Variants in SOHLH1 observed in about 807,000 individuals in gnomAD.
SOHLH1 encodes the protein spermatogenesis and oogenesis specific basic helix-loop-helix 1, also known as spermatogenesis- and oogenesis-specific basic helix-loop-helix-containing protein 1.
Under a neutral mutation model 36.2 loss-of-function variants are expected in SOHLH1, and 23 were observed. The observed-to-expected ratio is 0.64, with a 90% CI of 0.46 to 0.90. SOHLH1 has a LOEUF of 0.90. Ranked by LOEUF, SOHLH1 falls within the 40% of genes least tolerant of loss-of-function variation. SOHLH1 has a pLI of 0.00. For missense variants in SOHLH1, 608 were observed against 517.0 expected (o/e 1.18, Z -1.71); for synonymous variants, 289 against 228.3 (o/e 1.27, Z -2.40).
At chr9:135,697,676 G>C in intron 3 of SOHLH1, 49 bp from the exon 4 acceptor site, 1 of 1,588,536 alleles carries the variant, frequency 6.3e-7, no homozygotes. Context: ...AGTCAGCTGA[G>C]AAACCCAAGA....
chr9:135,693,695 C>A lies in SOHLH1; in HGVS notation c.1066G>T (p.Asp356Tyr). 6.3e-7 allele frequency: 1 copy of A among 1,576,360 alleles called. No individual in the cohort carries two copies. Residue 356 changes from aspartate (D) to tyrosine (Y), a missense_variant, in exon 8 of 8, where the codon GAC becomes TAC. By Grantham distance (160) the Asp-to-Tyr change is radical (BLOSUM62 -3). Coordinates refer to ENST00000425225, the MANE Select transcript of SOHLH1 (RefSeq NM_001101677.2). Reference protein sequence around the residue: ...DPELGSQELQDSPLEPWGLDV... With the variant: ...DPELGSQELQYSPLEPWGLDV... ...AGGCCCCACGGCTCCAGAGGGCTGT[C>A]CTGGAGCTCCTGGGAGCCAAGCTCA... is the stretch of plus-strand genomic sequence containing the variant.
chr9:135,699,109 G>A lies in SOHLH1; in HGVS notation c.83C>T (p.Ala28Val), dbSNP rs1278890946. The change falls in exon 2 of 8, where the codon GCC becomes GTC. Residue 28 changes from alanine (A) to valine (V), a missense_variant. Ala to Val is a moderately conservative substitution (Grantham distance 64). Transcript: ENST00000425225. The stretch of plus-strand genomic sequence containing the variant: ...GGCCGAGTCCTCGCAGCAGGAGAGG[G>A]CACCAGACAGGGAGCCGCTGCCGAG... The part of the protein sequence containing the change: ...VRGCNGSLSG[A>V]LSCCEDSARG... The A allele has an allele frequency of 3.1e-6, 5 of 1,604,866 alleles. No homozygotes were observed. The highest frequency in any genetic ancestry group is 1.7e-5 in the Admixed American group (1 of 59,410).
At chr9:135,696,880 G>A in intron 4 of SOHLH1, 75 bp from the exon 5 acceptor site, 1 of 1,504,740 alleles carries the variant, frequency 6.6e-7, no homozygotes, top group Non-Finnish European at 9.1e-7. Flanking sequence ...CCCACCCCAA[G>A]AGCAGAGGGC....
intron 1 of SOHLH1, 107 bp downstream of exon 1, chr9:135,699,296 C>A (rs1001255224): frequency 1.3e-6 from 2 of 1,499,218 alleles, no homozygotes; most frequent in African/African-American, 2.8e-5. Flanking sequence ...GGGTCCAGGG[C>A]TCCGCCCCAG....
upstream of SOHLH1, chr9:135,699,547 C>A (rs149574223): frequency 2.3e-5 from 34 of 1,464,606 alleles, no homozygotes; most frequent in African/African-American, 2.1e-4. Flanking sequence ...GCTCTGCCCA[C>A]CTGCCACGTG....
At position 135,698,843 on chromosome 9, in the gene SOHLH1, T is replaced by C. The variant is rs1834914153; in HGVS notation, c.197+152A>G. The C allele has an allele frequency of 3.5e-6, 4 of 1,148,542 alleles. No homozygotes were observed. The South Asian group carries it at 5.3e-5, about 15-fold the overall frequency. 71.1% of individuals were successfully genotyped at this position (1,148,542 alleles called of 1,614,324 possible). On this transcript the variant is annotated intron_variant, in intron 2 of 7. Coordinates refer to ENST00000425225, the MANE Select transcript of SOHLH1 (RefSeq NM_001101677.2). Reference sequence around the variant, plus strand: ...AGGATGTTCCCCAACAGGGCTTTTCTGGTTTACTTGGAGATGTGCAGTCTG... The same window carrying C: ...AGGATGTTCCCCAACAGGGCTTTTCCGGTTTACTTGGAGATGTGCAGTCTG...
Position 135,695,222 on chromosome 9 carries a change from G to A in SOHLH1, c.703C>T (p.Pro235Ser). 1.2e-6 allele frequency: 2 copies of A among 1,604,510 alleles called. No homozygotes were observed. Among genetic ancestry groups the A allele is most frequent in the Admixed American group, 3.4e-5 (2 of 58,642 alleles). Reference protein sequence around the residue: ...LVPWPPGRSLPKAVRPPLSWP... With the variant: ...LVPWPPGRSLSKAVRPPLSWP... ...GACAGGGGTGGCCTCACAGCCTTAG[G>A]AAGACTCCGGCCTGGGGGCCACGGC... The change falls in exon 6 of 8, where the codon CCT (proline) becomes TCT (serine). Residue 235 changes from proline (P) to serine (S), a missense_variant. Coordinates refer to ENST00000425225, the MANE Select transcript of SOHLH1 (RefSeq NM_001101677.2).
chr9:135,701,488 A>C (rs1835033636), upstream of SOHLH1, among the ~76,000 whole-genome samples: 1 of 152,234 alleles, frequency 6.6e-6, no homozygotes. Flanking sequence ...AGGGTGACGC[A>C]TGTGTAACAG....
rs1228945303 is a variant in SOHLH1, at chr9:135,698,953, C to T, written c.197+42G>A. The T allele has an allele frequency of 1.9e-6, 3 of 1,610,748 alleles. No individual in the cohort carries two copies. The Admixed American group carries it at 5.0e-5, about 27-fold the overall frequency. On this transcript the variant is annotated intron_variant, in intron 2 of 7. Coordinates refer to ENST00000425225, the MANE Select transcript of SOHLH1 (RefSeq NM_001101677.2). Reference sequence around the variant, plus strand: ...CCGAACATAATCTCACCCGCTCCACCCCTTTACAGCGCCCTCACCCCTGGG... The same window carrying T: ...CCGAACATAATCTCACCCGCTCCACTCCTTTACAGCGCCCTCACCCCTGGG...
At chr9:135,694,557 G>A (rs1588229463) in intron 6 of SOHLH1, 100 bp from the exon 7 acceptor site, 1 of 1,500,088 alleles carries the variant, frequency 6.7e-7, no homozygotes, top group Non-Finnish European at 9.0e-7. Flanking sequence ...AGCTTCGAAT[G>A]CAAAGATCTA....
upstream of SOHLH1, among the ~76,000 whole-genome samples, chr9:135,700,945 T>C (rs960579387): frequency 2.0e-5 from 3 of 152,200 alleles, no homozygotes; most frequent in African/African-American, 2.4e-5. Context: ...CCTGTGACTC[T>C]CCTGCCGTTG....
chr9:135,694,119 C>G (rs1834696928), intron 7 of SOHLH1: 12 of 1,430,136 alleles, frequency 8.4e-6, no homozygotes, highest in Non-Finnish European at 1.1e-5. Context: ...CTCGCTGACA[C>G]AGGGTCAAGG....
intron 7 of SOHLH1, 187 bp downstream of exon 7, chr9:135,694,199 CT>C: frequency 6.9e-7 from 1 of 1,445,068 alleles, no homozygotes; most frequent in African/African-American, 1.4e-5. Flanking sequence ...CACTCACACA[CT>C]CACATATCAC....
At position 135,698,508 on chromosome 9, in the gene SOHLH1, G is replaced by A. The variant is rs761912554; in HGVS notation, c.198-32C>T. The A allele has an allele frequency of 9.9e-6, 16 of 1,612,570 alleles. 1 individual carries two copies. Among genetic ancestry groups the A allele is most frequent in the Middle Eastern group, 1.6e-4 (1 of 6,064 alleles). On this transcript the variant is annotated intron_variant, in intron 2 of 7. Coordinates refer to ENST00000425225, the MANE Select transcript of SOHLH1 (RefSeq NM_001101677.2). ...CCGGTCAAGAAACAAATACCTCTGG[G>A]CCCTCCTGCCCTCCCCGAGAAGGGA...
At chr9:135,697,320 G>A (rs1053517634) in intron 4 of SOHLH1, among the ~76,000 whole-genome samples, 186 bp downstream of exon 4, 1 of 152,156 alleles carries the variant, frequency 6.6e-6, no homozygotes, top group Non-Finnish European at 1.5e-5. Context: ...CCCCTTGCTG[G>A]AGCTCGCCCA....
At position 135,699,052 on chromosome 9, in the gene SOHLH1, A is replaced by C; in HGVS notation, c.140T>G (p.Val47Gly). ...AAGGCAGGAGCTGGGACCCTCGGCC[A>C]CCGTAGGGGCCTTGGGCGGGCCCGA... ...RGSGPPKAPT[V>G]AEGPSSCLRR... Residue 47 changes from valine (V) to glycine (G), a missense_variant, in exon 2 of 8, where the codon GTG (valine) becomes GGG (glycine). Physicochemically the swap from Val to Gly is moderately radical, Grantham distance 109. Coordinates refer to ENST00000425225, the MANE Select transcript of SOHLH1 (RefSeq NM_001101677.2). The C allele has an allele frequency of 6.2e-7, 1 of 1,611,256 alleles. No individual in the cohort carries two copies. The highest frequency in any genetic ancestry group is 8.5e-7 in the Non-Finnish European group (1 of 1,179,668).
In SOHLH1 at chr9:135,698,051, A is replaced by G. The variant is rs770390365; in HGVS notation, c.345+278T>C. 4.3e-4 allele frequency among the ~76,000 whole-genome samples: 66 copies of G among 152,050 alleles called. 1 individual carries two copies. The highest frequency in any genetic ancestry group is 3.8e-3 in the Admixed American group (58 of 15,264). ...ATCAGGAGACCCCAACTCTCCCCCA[A>G]ATTGGCACGGAGCATCTCGGCAACC... On this transcript the variant is annotated intron_variant, in intron 3 of 7. Coordinates refer to ENST00000425225, the MANE Select transcript of SOHLH1 (RefSeq NM_001101677.2).
At chr9:135,694,506 T>C in intron 6 of SOHLH1, 49 bp from the exon 7 acceptor site, 1 of 1,604,250 alleles carries the variant, frequency 6.2e-7, no homozygotes, top group Non-Finnish European at 8.5e-7. Flanking sequence ...ACCCAGACCT[T>C]GGAGCTCAAG....
chr9:135,695,339 C>A lies in SOHLH1; in HGVS notation c.662-76G>T. On this transcript the variant is annotated intron_variant, in intron 5 of 7. Transcript: ENST00000425225. Reference sequence around the variant, plus strand: ...CTGCCCCCGAGGACCTCGTGACTCACGGGCTCGGTCCACTCACACTGACCG... The same window carrying A: ...CTGCCCCCGAGGACCTCGTGACTCAAGGGCTCGGTCCACTCACACTGACCG... 5 of 1,406,210 alleles carry A rather than the reference C, an allele frequency of 3.6e-6. No individual in the cohort carries two copies. The South Asian group carries it at 3.7e-5, about 10-fold the overall frequency. The allele number at this position is 1,406,210 out of a possible 1,614,324, so 87.1% of individuals were successfully genotyped here.
Sources: allele counts gnomAD v4.1 joint callset (sites outside exome capture counted in the v4.1 genomes callset), GRCh38; gene constraint gnomAD v4.1.1; transcripts MANE v1.5; gene names NCBI Gene and HGNC (gene_info 2026-07-23, HGNC 2026-07-21).